Variants in ACACA observed in about 807,000 individuals in gnomAD.
The protein encoded by ACACA is acetyl-CoA carboxylase alpha, also known as acetyl-CoA carboxylase 1.
Under a neutral mutation model 296.1 loss-of-function variants are expected in ACACA, and 103 were observed. The ratio of observed to expected loss-of-function variants is 0.35; its 90% CI spans 0.30 to 0.41. The LOEUF (loss-of-function observed/expected upper bound fraction) is 0.41, where lower values mean the gene tolerates loss of function less well. Ranked by LOEUF, ACACA falls within the 10% of genes least tolerant of loss-of-function variation. The pLI is 1.00. For synonymous variants in ACACA, 953 were observed against 1,038.6 expected, an observed-to-expected ratio of 0.92 and a Z score of 1.58; for missense variants, 1,554 against 2,989.7, an observed-to-expected ratio of 0.52 and a Z score of 11.20.
At chr17:37,134,364 T>C (rs539552489) in intron 45 of ACACA, among the ~76,000 whole-genome samples, 2 of 152,226 alleles carry the variant, frequency 1.3e-5, no homozygotes, top group Admixed American at 6.5e-5. Context: ...AGCATTGTGA[T>C]GTTTTGTGCA....
intron 52 of ACACA, among the ~76,000 whole-genome samples, chr17:37,099,852 C>T (rs1046798109): frequency 1.3e-5 from 2 of 152,086 alleles, no homozygotes; most frequent in African/African-American, 2.4e-5. Flanking sequence ...GGGAAAACAT[C>T]AGATGAACCT....
intron 42 of ACACA, 57 bp from the exon 43 acceptor site, chr17:37,155,837 A>G (rs2076219467): frequency 8.6e-7 from 1 of 1,164,584 alleles, no homozygotes; most frequent in South Asian, 1.2e-5. Flanking sequence ...TAATCAGAAG[A>G]TACAGCAAAG....
At chr17:37,092,793 AAC>A (rs1255958165) in intron 54 of ACACA, among the ~76,000 whole-genome samples, 1 of 152,226 alleles carries the variant, frequency 6.6e-6, no homozygotes, top group Non-Finnish European at 1.5e-5. Flanking sequence ...ACTTCTGGGA[AAC>A]ACACAGCCTG....
rs756916745 is a variant in ACACA, at chr17:37,097,110, A to G, written c.6777T>C (p.Leu2259=). ...TCTTCTTGACCAGGTCCTCCAGCAG[A>G]AGACGCCTCAGCCGCCAGTAGAAGA... ...RTFFYWRLRR[L]LLEDLVKKKI... is the part of the protein sequence containing the mutation. Residue 2259 remains leucine, a synonymous_variant, in exon 54 of 56, where the codon CTT becomes CTC. Coordinates refer to ENST00000616317, the MANE Select transcript of ACACA (RefSeq NM_198834.3). This position sits in a 1 kb window ranked among gnomAD's most constrained non-coding sequence, Gnocchi z 4.8. 7 of 1,614,096 alleles carry G rather than the reference A, an allele frequency of 4.3e-6. No individual in the cohort carries two copies. In the East Asian group the frequency reaches 1.3e-4, roughly 31 times the overall value.
intron 25 of ACACA, among the ~76,000 whole-genome samples, chr17:37,229,676 T>C (rs2079752082): frequency 6.6e-6 from 1 of 152,102 alleles, no homozygotes; most frequent in Non-Finnish European, 1.5e-5. Flanking sequence ...TAAAAACCAC[T>C]TTTTTATTTT....
At chr17:37,189,017 T>C (rs1380225990) in intron 38 of ACACA, among the ~76,000 whole-genome samples, 1 of 152,198 alleles carries the variant, frequency 6.6e-6, no homozygotes, top group African/African-American at 2.4e-5. Flanking sequence ...AATTTGTAGG[T>C]GGTGCTAGAA....
chr17:37,385,134 C>T (rs1400855783), intron 1 of ACACA, among the ~76,000 whole-genome samples: 2 of 152,044 alleles, frequency 1.3e-5, no homozygotes, highest in African/African-American at 4.8e-5. Flanking sequence ...TCTACCCTTG[C>T]CCACCCCAAC....
intron 10 of ACACA, among the ~76,000 whole-genome samples, chr17:37,264,756 T>A (rs1222444614): frequency 6.6e-6 from 1 of 152,232 alleles, no homozygotes; most frequent in East Asian, 1.9e-4. Flanking sequence ...GTTAGACCAT[T>A]TCACATAACC....
At chr17:37,210,707 G>C (rs2078707882) in intron 29 of ACACA, among the ~76,000 whole-genome samples, 1 of 140,390 alleles carries the variant, frequency 7.1e-6, no homozygotes, top group South Asian at 2.2e-4. Flanking sequence ...TGATGGAAAG[G>C]GTCAAAATGT....
At chr17:37,317,222 A>G (rs892135542) in intron 3 of ACACA, among the ~76,000 whole-genome samples, 1 of 152,214 alleles carries the variant, frequency 6.6e-6, no homozygotes, top group Non-Finnish European at 1.5e-5. Flanking sequence ...TAAAAAATAC[A>G]GAAAGGAAAT....
At chr17:37,295,918 C>A (rs2083305091) in intron 3 of ACACA, among the ~76,000 whole-genome samples, 2 of 151,766 alleles carry the variant, frequency 1.3e-5, no homozygotes, top group African/African-American at 2.4e-5. Flanking sequence ...GGGCGAGACT[C>A]CATTTCAAAA....
chr17:37,231,041 C>A (rs926202784), intron 25 of ACACA, among the ~76,000 whole-genome samples: 1 of 152,068 alleles, frequency 6.6e-6, no homozygotes, highest in Non-Finnish European at 1.5e-5. Flanking sequence ...GGAAATAGTT[C>A]GAATTTGCAG....
chr17:37,093,141 A>G (rs1029406205), intron 54 of ACACA, among the ~76,000 whole-genome samples: 3 of 152,216 alleles, frequency 2.0e-5, no homozygotes, highest in Admixed American at 2.0e-4. Context: ...CAGTAGCCTG[A>G]GGCCAGGTTT....
At chr17:37,176,116 C>T (rs1034428850) in intron 41 of ACACA, among the ~76,000 whole-genome samples, 2 of 152,216 alleles carry the variant, frequency 1.3e-5, no homozygotes, top group Admixed American at 6.5e-5. Context: ...AGACTGGCCA[C>T]CCATACAGCC....
intron 3 of ACACA, chr17:37,328,511 A>G (rs2047720244): frequency 6.0e-6 from 1 of 166,406 alleles, no homozygotes; most frequent in African/African-American, 2.4e-5. Flanking sequence ...GAAGTAAAAC[A>G]TAATTAACTT....
intron 3 of ACACA, 100 bp downstream of exon 3, chr17:37,330,073 C>A: frequency 6.8e-7 from 1 of 1,474,704 alleles, no homozygotes; most frequent in Non-Finnish European, 9.4e-7. Flanking sequence ...TAGGAAAAGG[C>A]AAAGCAGTCT....
intron 1 of ACACA, chr17:37,368,622 C>G (rs2049693058): frequency 1.3e-5 from 2 of 152,036 alleles, no homozygotes; most frequent in Admixed American, 1.3e-4. Flanking sequence ...GTTCACCAAC[C>G]CATCCGCCCC....
Position 37,339,919 on chromosome 17 carries a change from G to C in ACACA, c.39-69C>G. On this transcript the variant is annotated intron_variant, in intron 1 of 55. Transcript: ENST00000616317. Reference sequence around the variant, plus strand: ...ACAAACTTTTGTCAATTCCTGTTTTGCTCAGCATAATACAAAGGTAATAAT... The same window carrying C: ...ACAAACTTTTGTCAATTCCTGTTTTCCTCAGCATAATACAAAGGTAATAAT... 3 of 814,494 alleles carry C rather than the reference G, an allele frequency of 3.7e-6. No individual in the cohort carries two copies. The South Asian group carries it at 4.4e-5, about 12-fold the overall frequency. 50.5% of individuals were successfully genotyped at this position (814,494 alleles called of 1,614,324 possible). A position where few individuals can be genotyped will look rare whatever the true frequency, so the allele number is the denominator to read the frequency against.
intron 12 of ACACA, 79 bp from the exon 13 acceptor site, chr17:37,258,452 T>C (rs913803236): frequency 1.2e-4 from 169 of 1,417,158 alleles, no homozygotes; most frequent in Middle Eastern, 6.2e-4. Flanking sequence ...TAACCTAAAA[T>C]ATTTTTATTT....
Sources: allele counts gnomAD v4.1 joint callset (sites outside exome capture counted in the v4.1 genomes callset), GRCh38; gene constraint gnomAD v4.1.1; non-coding constraint Gnocchi (gnomAD v3.1); transcripts MANE v1.5; gene names NCBI Gene and HGNC (gene_info 2026-07-23, HGNC 2026-07-21).